DACH2: variants seen among roughly 807,000 people sequenced by gnomAD.
The protein encoded by DACH2 is dachshund homolog 2.
A neutral mutation model predicts 35.8 loss-of-function variants in DACH2; 17 were observed. The ratio of observed to expected loss-of-function variants is 0.48; its 90% CI spans 0.33 to 0.71. The LOEUF (loss-of-function observed/expected upper bound fraction) is 0.71. Among genes scored for constraint, DACH2 ranks in the 30% least tolerant of loss-of-function variants. The pLI, the probability that DACH2 is intolerant of heterozygous loss-of-function variation, is 0.02. For synonymous variants in DACH2, 195 were observed against 177.3 expected, an observed-to-expected ratio of 1.10 and a Z score of -0.79; for missense variants, 469 against 472.7, an observed-to-expected ratio of 0.99 and a Z score of 0.07.
chrX:86,450,613 G>A (rs911888162), intron 2 of DACH2, among the ~76,000 whole-genome samples: 1 of 110,897 alleles, frequency 9.0e-6, no homozygotes, highest in African/African-American at 3.3e-5. Context: ...GGGTCAAATG[G>A]TATTCCTGGT....
At chrX:86,826,447 T>TA (rs1460016113) in intron 11 of DACH2, among the ~76,000 whole-genome samples, 10 of 107,945 alleles carry the variant, frequency 9.3e-5, no homozygotes, top group South Asian at 3.9e-4. Context: ...CCTCTGTTTT[T>TA]AAAAAAATAT....
At chrX:86,657,729 C>T (rs1320455496) in intron 4 of DACH2, among the ~76,000 whole-genome samples, 1 of 111,360 alleles carries the variant, frequency 9.0e-6, no homozygotes, top group Admixed American at 9.6e-5. Context: ...AGGGAGCACA[C>T]TCTGTTTTAA....
At chrX:86,532,634 A>G (rs748119268) in intron 3 of DACH2, among the ~76,000 whole-genome samples, 47 of 111,368 alleles carry the variant, frequency 4.2e-4, no homozygotes, top group African/African-American at 1.5e-3. Context: ...CTTTAAAATT[A>G]CCCAGTCTCA....
At chrX:86,826,868 A>AATT (rs905175732) in intron 11 of DACH2, among the ~76,000 whole-genome samples, 2 of 112,379 alleles carry the variant, frequency 1.8e-5, no homozygotes, top group African/African-American at 6.5e-5. Context: ...CTTGCTGCTA[A>AATT]ATTATATAGT....
At chrX:86,792,629 G>C in intron 7 of DACH2, among the ~76,000 whole-genome samples, 2 of 111,447 alleles carry the variant, frequency 1.8e-5, no homozygotes, top group Non-Finnish European at 3.8e-5. Context: ...TATAATATTT[G>C]TATTTCAGTA....
At chrX:86,530,083 C>G (rs957572364) in intron 3 of DACH2, among the ~76,000 whole-genome samples, 8 of 108,751 alleles carry the variant, frequency 7.4e-5, no homozygotes, top group Non-Finnish European at 1.3e-4. Flanking sequence ...TGAAAGATAA[C>G]TAAAGTGAAC....
At chrX:86,802,236 G>GCTCTA (rs1227074245) in intron 7 of DACH2, among the ~76,000 whole-genome samples, 1 of 110,895 alleles carries the variant, frequency 9.0e-6, no homozygotes, top group Non-Finnish European at 1.9e-5. Context: ...GAATTGCCAG[G>GCTCTA]CTCTACTCTA....
chrX:86,405,343 C>A (rs910347555), intron 2 of DACH2, among the ~76,000 whole-genome samples: 1 of 111,570 alleles, frequency 9.0e-6, no homozygotes, highest in Non-Finnish European at 1.9e-5. Flanking sequence ...TGTCTTCCTG[C>A]ATATACCCTA....
intron 1 of DACH2, among the ~76,000 whole-genome samples, chrX:86,229,343 A>G (rs73514053): frequency 0.022 from 2,434 of 112,225 alleles, 57 homozygotes; most frequent in African/African-American, 0.073. Flanking sequence ...TTTTTCTGCC[A>G]GTATCATGCC....
chrX:86,796,126 G>A lies in DACH2; in HGVS notation c.1241-16730G>A, dbSNP rs747783214. ...GGTCCATTTTACAGAGTGCTGATTG[G>A]TCCATTTTACAGATTGCTGATTGGT... On this transcript the variant is annotated intron_variant, in intron 7 of 11. Transcript: ENST00000373125. Among the ~76,000 whole-genome samples the A allele has an allele frequency of 7.2e-5, 8 of 111,797 alleles. No individual in the cohort carries two copies. In the South Asian group the frequency reaches 3.0e-3, roughly 42 times the overall value.
At chrX:86,326,358 T>G (rs1313057899) in intron 1 of DACH2, among the ~76,000 whole-genome samples, 2 of 109,034 alleles carry the variant, frequency 1.8e-5, no homozygotes, top group Non-Finnish European at 3.8e-5. Flanking sequence ...TTTCAGCTAC[T>G]TGGAGGGCTG....
intron 1 of DACH2, among the ~76,000 whole-genome samples, chrX:86,297,113 C>G (rs1184012067): frequency 1.9e-5 from 2 of 106,359 alleles, no homozygotes; most frequent in African/African-American, 6.9e-5. Context: ...CAATTGTACA[C>G]ATAGGAACCA....
At chrX:86,503,420 A>T (rs1443675379) in intron 2 of DACH2, among the ~76,000 whole-genome samples, 1 of 112,515 alleles carries the variant, frequency 8.9e-6, no homozygotes, top group East Asian at 2.8e-4. Flanking sequence ...TAACTAATGT[A>T]TTAACTAGTG....
At chrX:86,611,506 G>A (rs1181305052) in intron 3 of DACH2, among the ~76,000 whole-genome samples, 1 of 111,078 alleles carries the variant, frequency 9.0e-6, no homozygotes, top group Non-Finnish European at 1.9e-5. Flanking sequence ...TGCAGTTCTT[G>A]TGGCCTAGGC....
At chrX:86,506,770 G>T (rs1009928958) in intron 2 of DACH2, among the ~76,000 whole-genome samples, 3 of 111,523 alleles carry the variant, frequency 2.7e-5, no homozygotes, top group African/African-American at 9.8e-5. Context: ...AACACAGAGT[G>T]AACTGATTTG....
intron 4 of DACH2, among the ~76,000 whole-genome samples, chrX:86,675,147 G>A (rs926146230): frequency 4.5e-5 from 5 of 110,609 alleles, no homozygotes; most frequent in African/African-American, 1.6e-4. Context: ...TTTTTATGCT[G>A]CTTATATTTA....
chrX:86,237,563 C>A (rs1037238519), intron 1 of DACH2, among the ~76,000 whole-genome samples: 1 of 111,236 alleles, frequency 9.0e-6, no homozygotes, highest in Non-Finnish European at 1.9e-5. Flanking sequence ...CGCCTCTGCC[C>A]GAGTTTTTAC....
In DACH2 at chrX:86,813,494, C is replaced by T. The variant is rs1047680980; in HGVS notation, c.1537+217C>T. On this transcript the variant is annotated intron_variant, in intron 9 of 11. Transcript: ENST00000373125. ...GGGCGTGGTGGTGGGCGCCTGTAGT[C>T]GCAACTACTCGGGAGGCTGAGGCAG... 4.7e-5 allele frequency among the ~76,000 whole-genome samples: 5 copies of T among 105,613 alleles called. 1 individual carries two copies. Among genetic ancestry groups the T allele is most frequent in the Admixed American group, 3.1e-4 (3 of 9,722 alleles). The allele number at this position is 105,613 out of a possible 115,157, so 91.7% of individuals were successfully genotyped here. A position where few individuals can be genotyped will look rare whatever the true frequency, so the allele number is the denominator to read the frequency against.
intron 2 of DACH2, among the ~76,000 whole-genome samples, chrX:86,415,107 G>T (rs1442158997): frequency 9.0e-6 from 1 of 111,721 alleles, no homozygotes; most frequent in Non-Finnish European, 1.9e-5. Context: ...ACTGCAAGAA[G>T]ATGATATACT....
Sources: allele counts gnomAD v4.1 joint callset (sites outside exome capture counted in the v4.1 genomes callset), GRCh38; gene constraint gnomAD v4.1.1; transcripts MANE v1.5; gene names NCBI Gene and HGNC (gene_info 2026-07-23, HGNC 2026-07-21).